DGCR8: variants seen among roughly 807,000 people sequenced by gnomAD.
DGCR8 encodes DGCR8 microprocessor complex subunit, also known as microprocessor complex subunit DGCR8.
DGCR8 carries 14 observed loss-of-function variants against 78.5 expected under a neutral mutation model. The ratio of observed to expected loss-of-function variants is 0.18; its 90% CI spans 0.12 to 0.28. The LOEUF (loss-of-function observed/expected upper bound fraction) is 0.28. DGCR8 is among the 10% of genes least tolerant of loss of function. DGCR8 has a pLI of 1.00. For missense variants in DGCR8, 702 were observed against 1,022.5 expected (o/e 0.69, Z 4.28); for synonymous variants, 399 against 402.4 (o/e 0.99, Z 0.10).
chr22:20,111,714 CCCCCCCCCA>C lies in DGCR8; in HGVS notation c.*1610_*1618del, dbSNP rs753084153. On this transcript the variant is annotated 3_prime_UTR_variant, in exon 14 of 14. Transcript: ENST00000351989. ...TCTTGTGGTCTCTGTGCGCCCCCCCCCCCCCCCCACCCGTCTGCCAAGCATGGGTATGAA... is the reference window on the plus strand; with the variant it reads ...TCTTGTGGTCTCTGTGCGCCCCCCCCCCCGTCTGCCAAGCATGGGTATGAA... 3.7e-3 allele frequency: 673 copies of C among 179,516 alleles called. 34 individuals are homozygous for C. Among genetic ancestry groups the C allele is most frequent in the Non-Finnish European group, 3.9e-3 (365 of 94,124 alleles). 11.1% of individuals were successfully genotyped at this position (179,516 alleles called of 1,614,324 possible).
chr22:20,101,647 C>G, intron 9 of DGCR8: 1 of 985,274 alleles, frequency 1.0e-6, no homozygotes, highest in Non-Finnish European at 1.2e-6. Context: ...GGGAAAGTAG[C>G]TTTTCCCTCC....
At chr22:20,096,452 T>A (rs1215451998) in intron 9 of DGCR8, 1 of 985,320 alleles carries the variant, frequency 1.0e-6, no homozygotes, top group Non-Finnish European at 1.2e-6. Flanking sequence ...GTAAACCTTT[T>A]TGGGTAAATG....
At chr22:20,103,851 G>A (rs909491512) in intron 9 of DGCR8, among the ~76,000 whole-genome samples, 3 of 152,196 alleles carry the variant, frequency 2.0e-5, no homozygotes, top group Non-Finnish European at 2.9e-5. Flanking sequence ...TTGAACAGGT[G>A]TAGGGCTGTT....
intron 1 of DGCR8, chr22:20,080,674 C>G (rs942655756): frequency 4.5e-5 from 9 of 201,200 alleles, no homozygotes; most frequent in Non-Finnish European, 8.0e-5. Flanking sequence ...GCATCGCCTT[C>G]AGGCGGGAAA....
intron 11 of DGCR8, 178 bp downstream of exon 11, chr22:20,106,876 C>A: frequency 3.3e-6 from 2 of 606,218 alleles, no homozygotes; most frequent in Non-Finnish European, 5.9e-6. Flanking sequence ...CCTGCACTTT[C>A]CCTGTCTTTT....
chr22:20,090,339 A>C, intron 5 of DGCR8, 81 bp downstream of exon 5: 2 of 1,470,952 alleles, frequency 1.4e-6, no homozygotes, highest in Non-Finnish European at 9.1e-7. Context: ...ATAATTGTTC[A>C]TAGTTCCTAG....
chr22:20,088,696 TGTCAGGTCCAGG>T (rs1156913247), intron 3 of DGCR8, among the ~76,000 whole-genome samples: 1 of 152,174 alleles, frequency 6.6e-6, no homozygotes, highest in Non-Finnish European at 1.5e-5. Flanking sequence ...TGGGTACAGG[TGTCAGGTCCAGG>T]GTCAGGGCCA....
chr22:20,108,791 G>GCGCCTACCTTGCCCGACCCTGGGCA, intron 12 of DGCR8, 99 bp from the exon 13 acceptor site: 1 of 705,214 alleles, frequency 1.4e-6, no homozygotes, highest in Non-Finnish European at 2.6e-6. Flanking sequence ...GACCCTGGGC[G>GCGCCTACCTTGCCCGACCCTGGGCA]CGCCTGCCTT....
chr22:20,080,456 C>T, intron 1 of DGCR8, 73 bp downstream of exon 1: 6 of 981,848 alleles, frequency 6.1e-6, no homozygotes, highest in Non-Finnish European at 7.2e-6. Context: ...GCGCGCCCTT[C>T]CCTCCCGCCT....
chr22:20,092,702 G>T (rs2049580142), intron 7 of DGCR8, 107 bp from the exon 8 acceptor site: 2 of 950,356 alleles, frequency 2.1e-6, no homozygotes. Flanking sequence ...CCCACTCTCT[G>T]CAGGGACAGC....
At chr22:20,093,269 G>A (rs1226825108) in intron 8 of DGCR8, among the ~76,000 whole-genome samples, 2 of 152,046 alleles carry the variant, frequency 1.3e-5, no homozygotes, top group African/African-American at 4.8e-5. Flanking sequence ...GCCGGGTGTG[G>A]TGGCGGGCAC....
rs181224437 is a variant in DGCR8, at chr22:20,089,251, G to T, written c.881-418G>T. ...GAGAGTGCAGCTCAGTTACAATAAAGACTTGTCACCTGGTCACTGGGAGCA... is the reference window on the plus strand; with the variant it reads ...GAGAGTGCAGCTCAGTTACAATAAATACTTGTCACCTGGTCACTGGGAGCA... On this transcript the variant is annotated intron_variant, in intron 3 of 13. Coordinates refer to ENST00000351989, the MANE Select transcript of DGCR8 (RefSeq NM_022720.7). The surrounding 1 kb of genome is among the most constrained non-coding windows in gnomAD (Gnocchi z 4.9). Among the ~76,000 whole-genome samples the T allele has an allele frequency of 9.4e-4, 143 of 152,342 alleles. No homozygotes were observed. Among genetic ancestry groups the T allele is most frequent in the African/African-American group, 3.3e-3 (137 of 41,570 alleles).
At position 20,087,224 on chromosome 22, in the gene DGCR8, G is replaced by A. The variant is rs778034471; in HGVS notation, c.783G>A (p.Arg261=). The A allele has an allele frequency of 4.3e-6, 7 of 1,614,016 alleles. No individual in the cohort carries two copies. The East Asian group carries it at 1.6e-4, about 36-fold the overall frequency. ...LEEGLCAPKK[R]RTEEKYGGDS... ...AAGGCCTTTGTGCCCCCAAAAAGAGGCGAACAGAGGAAAAATATGGCGGAG... is the reference window on the plus strand; with the variant it reads ...AAGGCCTTTGTGCCCCCAAAAAGAGACGAACAGAGGAAAAATATGGCGGAG... Residue 261 remains arginine (R), a synonymous_variant, in exon 3 of 14, where the codon AGG becomes AGA. Transcript: ENST00000351989. This position sits in a 1 kb window ranked among gnomAD's most constrained non-coding sequence, Gnocchi z 4.1.
chr22:20,111,019 A>G lies in DGCR8; in HGVS notation c.*911A>G, dbSNP rs545250486. The G allele has an allele frequency of 3.3e-5, 13 of 397,496 alleles. No homozygotes were observed. Among genetic ancestry groups the G allele is most frequent in the Non-Finnish European group, 4.9e-5 (11 of 225,970 alleles). The allele number at this position is 397,496 out of a possible 1,614,324, so 24.6% of individuals were successfully genotyped here. ...GAGAGTAGAAGGTAGATTTGGAATCATGCATTTTAGCAAGTGGACTTGTTG... is the reference window on the plus strand; with the variant it reads ...GAGAGTAGAAGGTAGATTTGGAATCGTGCATTTTAGCAAGTGGACTTGTTG... On this transcript the variant is annotated 3_prime_UTR_variant, in exon 14 of 14. Transcript: ENST00000351989.
chr22:20,095,748 A>G (rs544330038), intron 9 of DGCR8, among the ~76,000 whole-genome samples: 1 of 152,168 alleles, frequency 6.6e-6, no homozygotes, highest in African/African-American at 2.4e-5. Context: ...TTATCACTAC[A>G]CTGTAATATG....
intron 1 of DGCR8, among the ~76,000 whole-genome samples, chr22:20,081,350 G>T (rs527329743): frequency 1.8e-4 from 28 of 152,346 alleles, no homozygotes; most frequent in African/African-American, 6.7e-4. Context: ...AAGTGTACGG[G>T]TTTTCTCCCC....
chr22:20,093,285 G>T (rs989498276), intron 8 of DGCR8, among the ~76,000 whole-genome samples: 7 of 151,980 alleles, frequency 4.6e-5, no homozygotes, highest in African/African-American at 1.7e-4. Flanking sequence ...GGCACCTGTA[G>T]TCTCAGCTAC....
Position 20,085,893 on chromosome 22 carries a change from G to A in DGCR8, c.-71G>A. On this transcript the variant is annotated 5_prime_UTR_variant, in exon 2 of 14. An upstream start codon of the reference 5' UTR is lost. Transcript: ENST00000351989. This position sits in a 1 kb window ranked among gnomAD's most constrained non-coding sequence, Gnocchi z 6.2. ...CCCGGGTCTCAGCGGACTTGTGCAT[G>A]TTAGCTGTGTAGATTTATGTGAGGG... The A allele has an allele frequency of 2.0e-6, 3 of 1,506,242 alleles. No homozygotes were observed. Among genetic ancestry groups the A allele is most frequent in the South Asian group, 2.6e-5 (2 of 75,664 alleles). The allele number at this position is 1,506,242 out of a possible 1,614,324, so 93.3% of individuals were successfully genotyped here.
chr22:20,104,306 A>T (rs1470960782), intron 9 of DGCR8, among the ~76,000 whole-genome samples: 3 of 152,038 alleles, frequency 2.0e-5, no homozygotes, highest in Admixed American at 6.5e-5. Flanking sequence ...CTGGGACTAC[A>T]GGCGCCTGCC....
Sources: allele counts gnomAD v4.1 joint callset (sites outside exome capture counted in the v4.1 genomes callset), GRCh38; gene constraint gnomAD v4.1.1; non-coding constraint Gnocchi (gnomAD v3.1); transcripts MANE v1.5; gene names NCBI Gene and HGNC (gene_info 2026-07-23, HGNC 2026-07-21).